GABRA3: variants seen among roughly 807,000 people sequenced by gnomAD.
The protein encoded by GABRA3 is gamma-aminobutyric acid type A receptor subunit alpha3.
Under a neutral mutation model 30.1 loss-of-function variants are expected in GABRA3, and 10 were observed. That is an observed-to-expected ratio of 0.33 (90% CI 0.20 to 0.56). The LOEUF (loss-of-function observed/expected upper bound fraction) is 0.56. GABRA3 is among the 20% of genes least tolerant of loss of function. The probability of loss-of-function intolerance (pLI) is 0.89; values close to 1 mark genes in which losing one functional copy is unlikely to be tolerated. For synonymous variants in GABRA3, 151 were observed against 146.8 expected, an observed-to-expected ratio of 1.03 and a Z score of -0.21; for missense variants, 233 against 392.0, an observed-to-expected ratio of 0.59 and a Z score of 3.42.
chrX:152,367,792 C>T (rs980001152), intron 1 of GABRA3, among the ~76,000 whole-genome samples: 2 of 111,514 alleles, frequency 1.8e-5, no homozygotes, highest in Non-Finnish European at 3.8e-5. Context: ...CAGTATTTCC[C>T]ATCTCAAGTA....
At chrX:152,247,107 A>C (rs1036647378) in intron 5 of GABRA3, among the ~76,000 whole-genome samples, 9 of 111,871 alleles carry the variant, frequency 8.0e-5, no homozygotes, top group Non-Finnish European at 1.5e-4. Flanking sequence ...TGTCTTTGGA[A>C]TATTCAAAGC....
chrX:152,449,617 TG>T (rs1931172787), intron 1 of GABRA3, among the ~76,000 whole-genome samples: 1 of 110,994 alleles, frequency 9.0e-6, no homozygotes, highest in South Asian at 3.9e-4. Context: ...CAGGCTGAGT[TG>T]CTGTTACTCT....
chrX:152,276,950 G>C (rs1259040609), intron 4 of GABRA3, among the ~76,000 whole-genome samples: 1 of 111,732 alleles, frequency 8.9e-6, no homozygotes, highest in Non-Finnish European at 1.9e-5. Flanking sequence ...TGGTATCAGG[G>C]TAAGGTACAC....
chrX:152,434,145 T>C (rs183612283), intron 1 of GABRA3, among the ~76,000 whole-genome samples: 201 of 111,535 alleles, frequency 1.8e-3, no homozygotes, highest in African/African-American at 6.3e-3. Flanking sequence ...TGTGAGGGTG[T>C]TGCCAAAGGA....
intron 6 of GABRA3, among the ~76,000 whole-genome samples, chrX:152,223,290 A>G (rs1348854963): frequency 9.0e-6 from 1 of 111,610 alleles, no homozygotes; most frequent in Admixed American, 9.6e-5. Flanking sequence ...TCACCAATAA[A>G]CAACTCTGTC....
intron 1 of GABRA3, among the ~76,000 whole-genome samples, chrX:152,396,813 A>C (rs750532802): frequency 8.9e-6 from 1 of 112,359 alleles, no homozygotes; most frequent in Admixed American, 9.4e-5. Context: ...CTAACACAGA[A>C]GTCACTGGCT....
intron 3 of GABRA3, among the ~76,000 whole-genome samples, chrX:152,289,232 A>C (rs775567188): frequency 9.1e-6 from 1 of 109,879 alleles, no homozygotes; most frequent in African/African-American, 3.3e-5. Context: ...ATTTTCTTGA[A>C]ACCAGTCTCT....
At chrX:152,435,583 T>G (rs6627236) in intron 1 of GABRA3, among the ~76,000 whole-genome samples, 7 of 95,572 alleles carry the variant, frequency 7.3e-5, no homozygotes, top group South Asian at 5.6e-4. Flanking sequence ...CATCACACAC[T>G]GGGGCCTGTC....
chrX:152,288,598 T>C (rs1480015886), intron 3 of GABRA3, among the ~76,000 whole-genome samples: 1 of 111,904 alleles, frequency 8.9e-6, no homozygotes, highest in African/African-American at 3.3e-5. Flanking sequence ...AGGTCCTGGG[T>C]CCTAGACACT....
rs748188648 is a variant in GABRA3, at chrX:152,173,459, T to A, written c.1144-4896A>T. ...CTAGAATATATATGTATATATATAT[T>A]TTTTGAGATGGAACTTTGCTCTTGT... On this transcript the variant is annotated intron_variant, in intron 9 of 9. Coordinates refer to ENST00000370314, the MANE Select transcript of GABRA3 (RefSeq NM_000808.4). Among the ~76,000 whole-genome samples, 202 of 110,971 alleles carry A rather than the reference T, an allele frequency of 1.8e-3. 1 individual carries two copies. Among genetic ancestry groups the A allele is most frequent in the African/African-American group, 6.4e-3 (195 of 30,571 alleles).
chrX:152,314,949 T>C (rs1414029218), intron 3 of GABRA3, among the ~76,000 whole-genome samples: 2 of 110,887 alleles, frequency 1.8e-5, no homozygotes, highest in Non-Finnish European at 3.8e-5. Flanking sequence ...TCAAAAAATG[T>C]GTTGAATAAA....
chrX:152,345,434 A>C (rs1309782353), intron 3 of GABRA3, 147 bp downstream of exon 3: 8 of 580,609 alleles, frequency 1.4e-5, no homozygotes, highest in Admixed American at 3.9e-5. Context: ...GATTATGACT[A>C]ATTTTTAGTG....
intron 1 of GABRA3, among the ~76,000 whole-genome samples, chrX:152,436,747 A>G (rs1415503286): frequency 9.0e-6 from 1 of 111,679 alleles, no homozygotes; most frequent in Non-Finnish European, 1.9e-5. Context: ...CTAAACATGC[A>G]CCAAAGACAT....
At chrX:152,181,576 A>G (rs1937147813) in intron 9 of GABRA3, among the ~76,000 whole-genome samples, 1 of 110,357 alleles carries the variant, frequency 9.1e-6, no homozygotes, top group Non-Finnish European at 1.9e-5. Context: ...CAAGAACAAA[A>G]AACCAAACGC....
intron 6 of GABRA3, among the ~76,000 whole-genome samples, chrX:152,213,151 C>T (rs1937654085): frequency 9.0e-6 from 1 of 111,421 alleles, no homozygotes; most frequent in Non-Finnish European, 1.9e-5. Flanking sequence ...GTAACAGACC[C>T]CAGGAAAAAA....
chrX:152,384,921 A>G (rs776510834), intron 1 of GABRA3, among the ~76,000 whole-genome samples: 9 of 112,032 alleles, frequency 8.0e-5, no homozygotes, highest in African/African-American at 2.9e-4. Flanking sequence ...AATCCAATAG[A>G]AAAATGGACA....
At chrX:152,412,858 T>G (rs1930107053) in intron 1 of GABRA3, among the ~76,000 whole-genome samples, 1 of 110,905 alleles carries the variant, frequency 9.0e-6, no homozygotes, top group Non-Finnish European at 1.9e-5. Context: ...TAAAAAAGAA[T>G]AATAATAAAA....
chrX:152,256,040 T>C, intron 4 of GABRA3, 42 bp from the exon 5 acceptor site: 6 of 998,613 alleles, frequency 6.0e-6, no homozygotes, highest in Non-Finnish European at 8.5e-6. Flanking sequence ...AGTTGAGTTC[T>C]GGTAAGGGCT....
At chrX:152,342,537 T>A (rs1282336884) in intron 3 of GABRA3, among the ~76,000 whole-genome samples, 1 of 111,285 alleles carries the variant, frequency 9.0e-6, no homozygotes, top group African/African-American at 3.3e-5. Context: ...AGCGTTTCTG[T>A]CCTTTTTGGG....
Sources: allele counts gnomAD v4.1 joint callset (sites outside exome capture counted in the v4.1 genomes callset), GRCh38; gene constraint gnomAD v4.1.1; transcripts MANE v1.5; gene names NCBI Gene and HGNC (gene_info 2026-07-23, HGNC 2026-07-21).